The following FMN1 variants were observed in gnomAD, a reference collection of about 807,000 sequenced individuals.
The protein encoded by FMN1 is formin 1, also known as formin-1.
Under a neutral mutation model 132.4 loss-of-function variants are expected in FMN1, and 110 were observed. The ratio of observed to expected loss-of-function variants is 0.83; its 90% CI spans 0.71 to 0.97. The LOEUF (loss-of-function observed/expected upper bound fraction) is 0.97, where lower values mean the gene tolerates loss of function less well. FMN1 is among the 50% of genes least tolerant of loss of function. The pLI, the probability that FMN1 is intolerant of heterozygous loss-of-function variation, is 0.00. For missense variants in FMN1, 1,792 were observed against 1,705.3 expected (o/e 1.05, Z -0.90); for synonymous variants, 722 against 651.7 (o/e 1.11, Z -1.64).
chr15:33,058,907 T>C (rs1487254288), intron 6 of FMN1, among the ~76,000 whole-genome samples: 1 of 152,224 alleles, frequency 6.6e-6, no homozygotes, highest in Non-Finnish European at 1.5e-5. Context: ...GGTGAGACAT[T>C]TGAAATTTAT....
chr15:33,124,492 G>C lies in FMN1; in HGVS notation c.1867+28556C>G, dbSNP rs542564545. Among the ~76,000 whole-genome samples, 5 of 152,206 alleles carry C rather than the reference G, an allele frequency of 3.3e-5. 1 individual carries two copies. The South Asian group carries it at 6.2e-4, about 19-fold the overall frequency. ...ATGACCTTCTTAAATTACTGCTTGG[G>C]ACTGAGCATTGGGATTGCTTTAAAG... On this transcript the variant is annotated intron_variant, in intron 4 of 20. Transcript: ENST00000616417.
Position 32,910,488 on chromosome 15 carries a change from C to T in FMN1, c.3274G>A (p.Ala1092Thr). The change falls in exon 11 of 21, where the codon GCC becomes ACC. Residue 1092 changes from alanine to threonine, a missense_variant. Physicochemically the swap from Ala to Thr is moderately conservative, Grantham distance 58. Coordinates refer to ENST00000616417, the MANE Select transcript of FMN1 (RefSeq NM_001277313.2). ...TTGACACTCACGTTTTCATATAAGG[C>T]TGCCAGGGTCTCCAGATCAACCACG... is the stretch of plus-strand genomic sequence containing the variant. ...DSVVDLETLA[A>T]LYENRAQEDE... 6.3e-7 allele frequency: 1 copy of T among 1,579,144 alleles called. No individual in the cohort carries two copies. Among genetic ancestry groups the T allele is most frequent in the South Asian group, 1.2e-5 (1 of 85,812 alleles).
chr15:33,166,908 A>G (rs965762440), intron 3 of FMN1, among the ~76,000 whole-genome samples: 1 of 152,190 alleles, frequency 6.6e-6, no homozygotes, highest in African/African-American at 2.4e-5. Context: ...ATGTATCCCA[A>G]TCCAACAAGG....
At chr15:33,021,676 T>C (rs894409941) in intron 6 of FMN1, among the ~76,000 whole-genome samples, 2 of 152,190 alleles carry the variant, frequency 1.3e-5, no homozygotes, top group African/African-American at 4.8e-5. Flanking sequence ...GACCATTTGA[T>C]GGACACCTTA....
At position 33,014,480 on chromosome 15, in the gene FMN1, T is replaced by G. The variant is rs138483287; in HGVS notation, c.2162-6405A>C. Among the ~76,000 whole-genome samples the G allele has an allele frequency of 4.2e-4, 64 of 152,332 alleles. No individual in the cohort carries two copies. In the East Asian group the frequency reaches 7.5e-3, roughly 18 times the overall value. ...TCAGGGTTGAAAAGGGCAGACTCAT[T>G]TGAAGTCACATTAGCCCCTAATGGA... On this transcript the variant is annotated intron_variant, in intron 6 of 20. Transcript: ENST00000616417.
At chr15:32,990,120 T>C (rs2033343152) in intron 7 of FMN1, among the ~76,000 whole-genome samples, 1 of 152,182 alleles carries the variant, frequency 6.6e-6, no homozygotes, top group Non-Finnish European at 1.5e-5. Context: ...CAAAAACTTA[T>C]CTGTAACTCA....
At chr15:32,883,732 G>A (rs2141456933) in intron 16 of FMN1, among the ~76,000 whole-genome samples, 1 of 152,074 alleles carries the variant, frequency 6.6e-6, no homozygotes, top group East Asian at 1.9e-4. Flanking sequence ...CTTATGCTCT[G>A]TAAAAATATT....
Position 32,772,367 on chromosome 15 carries a change from A to G in FMN1, c.*1943T>C, listed in dbSNP as rs1366978706. 1 of 152,150 alleles carries G rather than the reference A, an allele frequency of 6.6e-6. No individual in the cohort carries two copies. Among genetic ancestry groups the G allele is most frequent in the East Asian group, 1.9e-4 (1 of 5,174 alleles). 9.4% of individuals were successfully genotyped at this position (152,150 alleles called of 1,614,324 possible). ...CTGCTGGCCCCACATAACTCAAAAG[A>G]GCTGAATTATATGGCATGGGTAAAA... On this transcript the variant is annotated 3_prime_UTR_variant, in exon 21 of 21. Coordinates refer to ENST00000616417, the MANE Select transcript of FMN1 (RefSeq NM_001277313.2).
chr15:32,788,235 G>A (rs1311756055), intron 19 of FMN1, among the ~76,000 whole-genome samples: 1 of 152,202 alleles, frequency 6.6e-6, no homozygotes, highest in Non-Finnish European at 1.5e-5. Context: ...ACCCAGAGCC[G>A]ACCCGGCGAT....
intron 4 of FMN1, among the ~76,000 whole-genome samples, chr15:33,111,317 A>G (rs1324727099): frequency 6.6e-6 from 1 of 152,184 alleles, no homozygotes; most frequent in Non-Finnish European, 1.5e-5. Context: ...TTAAAAAGGC[A>G]GATAACAACA....
intron 17 of FMN1, among the ~76,000 whole-genome samples, chr15:32,811,995 T>C (rs1252979467): frequency 3.4e-5 from 5 of 147,886 alleles, no homozygotes; most frequent in Admixed American, 2.1e-4. Context: ...CTTAAGTGAA[T>C]TGGAGTATTT....
chr15:33,116,990 T>C (rs1408712110), intron 4 of FMN1, among the ~76,000 whole-genome samples: 7 of 152,162 alleles, frequency 4.6e-5, no homozygotes, highest in Non-Finnish European at 8.8e-5. Flanking sequence ...ATTCCTATCA[T>C]TACCACAACC....
At chr15:33,079,226 G>C (rs2038351947) in intron 5 of FMN1, among the ~76,000 whole-genome samples, 1 of 152,178 alleles carries the variant, frequency 6.6e-6, no homozygotes, top group African/African-American at 2.4e-5. Flanking sequence ...GAAGAAATAA[G>C]AATGTGTGTT....
chr15:32,980,234 T>C (rs896983467), intron 7 of FMN1, among the ~76,000 whole-genome samples: 3 of 151,706 alleles, frequency 2.0e-5, no homozygotes, highest in Non-Finnish European at 4.4e-5. Context: ...AAATTGAATA[T>C]AATCTTAATT....
intron 16 of FMN1, among the ~76,000 whole-genome samples, chr15:32,859,251 C>T (rs956998991): frequency 2.6e-5 from 4 of 152,174 alleles, no homozygotes; most frequent in Admixed American, 6.5e-5. Flanking sequence ...GGGAAAGGTA[C>T]AAAAGAAGAT....
intron 17 of FMN1, among the ~76,000 whole-genome samples, chr15:32,816,081 C>T (rs1020635249): frequency 6.6e-5 from 10 of 152,196 alleles, no homozygotes; most frequent in African/African-American, 2.4e-4. Context: ...ATAATGACTA[C>T]CATCACTATA....
intron 5 of FMN1, among the ~76,000 whole-genome samples, chr15:33,085,197 A>T (rs971608825): frequency 2.0e-5 from 3 of 152,060 alleles, no homozygotes; most frequent in Non-Finnish European, 4.4e-5. Context: ...TGAGATTTGC[A>T]CCCATCACCC....
At chr15:33,078,805 A>G (rs780421833) in intron 5 of FMN1, among the ~76,000 whole-genome samples, 2 of 152,186 alleles carry the variant, frequency 1.3e-5, no homozygotes, top group Admixed American at 6.5e-5. Context: ...CTGGAGAGAG[A>G]GAGGAAAAAA....
At chr15:33,167,230 A>C (rs1466174765) in intron 3 of FMN1, among the ~76,000 whole-genome samples, 1 of 152,134 alleles carries the variant, frequency 6.6e-6, no homozygotes, top group Non-Finnish European at 1.5e-5. Context: ...CGGTTTTCCC[A>C]ATACTGTTCT....
Sources: gnomAD v4.1 joint callset for allele counts (sites outside exome capture counted in the v4.1 genomes callset) on GRCh38, gnomAD v4.1.1 for gene constraint, MANE v1.5 for transcripts, NCBI Gene and HGNC (gene_info 2026-07-23, HGNC 2026-07-21) for gene names.